Variants in TFPI observed in about 807,000 individuals in gnomAD.
The protein encoded by TFPI is anti-convertin.
Under a neutral mutation model 34.6 loss-of-function variants are expected in TFPI, and 15 were observed. That is an observed-to-expected ratio of 0.43 (90% CI 0.29 to 0.67). The LOEUF is 0.67. Ranked by LOEUF, TFPI falls within the 30% of genes least tolerant of loss-of-function variation. The pLI is 0.15. For synonymous variants in TFPI, 105 were observed against 120.1 expected (o/e 0.87, Z 0.82); for missense variants, 301 against 364.0 (o/e 0.83, Z 1.41).
intron 6 of TFPI, among the ~76,000 whole-genome samples, chr2:187,475,791 A>G (rs1316530744): frequency 6.6e-6 from 1 of 152,228 alleles, no homozygotes; most frequent in African/African-American, 2.4e-5. Context: ...TAGAAAATTA[A>G]GAAAATAATA....
chr2:187,474,238 G>A lies in TFPI; in HGVS notation c.629-6306C>T, dbSNP rs540223690. ...AGTAAAAGTAAAAAATTAACATTTA[G>A]TCTGTTGATCAGCTTTTTAGGAAGA... is the stretch of plus-strand genomic sequence containing the variant. On this transcript the variant is annotated intron_variant, in intron 6 of 7. Coordinates refer to ENST00000233156, the MANE Select transcript of TFPI (RefSeq NM_006287.6). Among the ~76,000 whole-genome samples, 4 of 152,202 alleles carry A rather than the reference G, an allele frequency of 2.6e-5. No individual in the cohort carries two copies. In the South Asian group the frequency reaches 8.3e-4, roughly 32 times the overall value.
At chr2:187,528,303 T>C (rs1687782316) in intron 1 of TFPI, among the ~76,000 whole-genome samples, 1 of 152,150 alleles carries the variant, frequency 6.6e-6, no homozygotes, top group Non-Finnish European at 1.5e-5. Flanking sequence ...CCTGAATGAA[T>C]GGATTAGTAC....
intron 6 of TFPI, among the ~76,000 whole-genome samples, chr2:187,472,968 G>A (rs1394150364): frequency 1.3e-5 from 2 of 151,982 alleles, no homozygotes; most frequent in Non-Finnish European, 2.9e-5. Flanking sequence ...AGCTGAGATT[G>A]AGCCACTGCA....
intron 1 of TFPI, among the ~76,000 whole-genome samples, chr2:187,551,294 A>G (rs1689087666): frequency 6.6e-6 from 1 of 152,056 alleles, no homozygotes; most frequent in Admixed American, 6.6e-5. Flanking sequence ...TGATGTCCTT[A>G]TATTCTTTTG....
chr2:187,492,930 C>T (rs977942158), intron 3 of TFPI, among the ~76,000 whole-genome samples: 3 of 152,098 alleles, frequency 2.0e-5, no homozygotes, highest in African/African-American at 7.2e-5. Context: ...AAGGCATGAT[C>T]AGTTTTGAAA....
intron 6 of TFPI, among the ~76,000 whole-genome samples, chr2:187,478,293 G>C (rs1328717503): frequency 6.6e-6 from 1 of 152,146 alleles, no homozygotes; most frequent in African/African-American, 2.4e-5. Context: ...CTGGGAGGCG[G>C]AGATTGCAGT....
chr2:187,466,315 A>G lies in TFPI; in HGVS notation c.*621T>C, dbSNP rs1319222377. Reference sequence around the variant, plus strand: ...CAAAAAAAAAAGTGAAACCAATCCAAATCAGGCAGGCACATGATGCAGAGT... The same window carrying G: ...CAAAAAAAAAAGTGAAACCAATCCAGATCAGGCAGGCACATGATGCAGAGT... On this transcript the variant is annotated 3_prime_UTR_variant, in exon 8 of 8. Transcript: ENST00000233156. The G allele has an allele frequency of 6.6e-6, 1 of 152,140 alleles. No homozygotes were observed. The highest frequency in any genetic ancestry group is 6.6e-5 in the Admixed American group (1 of 15,254). 9.4% of individuals were successfully genotyped at this position (152,140 alleles called of 1,614,324 possible).
chr2:187,531,701 C>A (rs749866624), intron 1 of TFPI, among the ~76,000 whole-genome samples: 1 of 151,934 alleles, frequency 6.6e-6, no homozygotes, highest in Non-Finnish European at 1.5e-5. Context: ...TAGAAATTGA[C>A]CATTTTATTT....
At position 187,527,622 on chromosome 2, in the gene TFPI, G is replaced by T. The variant is rs142612303; in HGVS notation, c.-2-23852C>A. ...CTATAAAGATTATTTTGGCATTAAG[G>T]TTCTTTATATATGACATAAAATTAA... On this transcript the variant is annotated intron_variant, in intron 1 of 7. Coordinates refer to ENST00000233156, the MANE Select transcript of TFPI (RefSeq NM_006287.6). Among the ~76,000 whole-genome samples, 45 of 152,140 alleles carry T rather than the reference G, an allele frequency of 3.0e-4. 1 individual carries two copies. The East Asian group carries it at 8.3e-3, about 28-fold the overall frequency.
At chr2:187,491,091 T>C (rs1574413219) in intron 3 of TFPI, among the ~76,000 whole-genome samples, 1 of 152,012 alleles carries the variant, frequency 6.6e-6, no homozygotes, top group Admixed American at 6.6e-5. Context: ...CAGGAATAAA[T>C]TTCCCCAGAT....
At chr2:187,499,246 C>T (rs1013146457) in intron 2 of TFPI, among the ~76,000 whole-genome samples, 8 of 151,724 alleles carry the variant, frequency 5.3e-5, no homozygotes, top group African/African-American at 1.7e-4. Flanking sequence ...ATGAGCACTT[C>T]ATGGTAAAAT....
intron 1 of TFPI, among the ~76,000 whole-genome samples, chr2:187,550,468 C>T (rs761493851): frequency 6.6e-6 from 1 of 152,038 alleles, no homozygotes; most frequent in Non-Finnish European, 1.5e-5. Context: ...AGTACTTTAA[C>T]TACATCCCAG....
At chr2:187,520,135 G>T (rs1484849740) in intron 1 of TFPI, among the ~76,000 whole-genome samples, 1 of 152,132 alleles carries the variant, frequency 6.6e-6, no homozygotes, top group Non-Finnish European at 1.5e-5. Context: ...CCTGGCTTCA[G>T]CCCCCTTTCC....
At chr2:187,495,739 A>G (rs1190345154) in intron 3 of TFPI, among the ~76,000 whole-genome samples, 1 of 152,194 alleles carries the variant, frequency 6.6e-6, no homozygotes, top group Non-Finnish European at 1.5e-5. Flanking sequence ...GTGAGAATGC[A>G]GAGCTGCCTG....
chr2:187,503,533 AT>A, intron 2 of TFPI, 114 bp downstream of exon 2: 1 of 1,314,188 alleles, frequency 7.6e-7, no homozygotes, highest in Non-Finnish European at 1.0e-6. Flanking sequence ...CCAAAGAAAA[AT>A]ATCACTTCAA....
At chr2:187,470,146 T>C (rs1038459042) in intron 6 of TFPI, among the ~76,000 whole-genome samples, 1 of 152,170 alleles carries the variant, frequency 6.6e-6, no homozygotes, top group Non-Finnish European at 1.5e-5. Context: ...TAAAATGATA[T>C]ATGACTTATA....
intron 3 of TFPI, among the ~76,000 whole-genome samples, chr2:187,492,707 C>T (rs1177872965): frequency 6.6e-6 from 1 of 152,236 alleles, no homozygotes; most frequent in Middle Eastern, 3.4e-3. Context: ...TTCCATGGGG[C>T]CTGTAGACCC....
At chr2:187,473,819 G>T (rs559340387) in intron 6 of TFPI, among the ~76,000 whole-genome samples, 2 of 144,238 alleles carry the variant, frequency 1.4e-5, no homozygotes, top group African/African-American at 5.6e-5. Context: ...TTTTCCCCCC[G>T]CATGTGTATA....
intron 1 of TFPI, chr2:187,518,114 T>C (rs1423532773): frequency 6.6e-6 from 1 of 152,270 alleles, no homozygotes; most frequent in Non-Finnish European, 1.5e-5. Context: ...TCTCTGTCTT[T>C]TAATTGGGGC....
Sources: allele counts gnomAD v4.1 joint callset (sites outside exome capture counted in the v4.1 genomes callset), GRCh38; gene constraint gnomAD v4.1.1; transcripts MANE v1.5; gene names NCBI Gene and HGNC (gene_info 2026-07-23, HGNC 2026-07-21).